Variants in EML6 observed in about 807,000 individuals in gnomAD.
The protein encoded by EML6 is EMAP like 6, also known as echinoderm microtubule-associated protein-like 6.
EML6 carries 154 observed loss-of-function variants against 240.1 expected under a neutral mutation model. That is an observed-to-expected ratio of 0.64 (90% CI 0.56 to 0.73). The LOEUF is 0.73. EML6 is among the 30% of genes least tolerant of loss of function. The probability of loss-of-function intolerance (pLI) is 0.00; values close to 1 mark genes in which losing one functional copy is unlikely to be tolerated. For synonymous variants in EML6, 1,148 were observed against 899.0 expected (o/e 1.28, Z -4.95); for missense variants, 2,964 against 2,474.6 (o/e 1.20, Z -4.20).
intron 2 of EML6, among the ~76,000 whole-genome samples, chr2:54,754,335 T>C (rs1029625973): frequency 1.3e-5 from 2 of 152,032 alleles, no homozygotes; most frequent in Non-Finnish European, 2.9e-5. Flanking sequence ...TTGAGACACA[T>C]TTTGGACACC....
chr2:54,947,653 T>C (rs1675756740), intron 28 of EML6, among the ~76,000 whole-genome samples: 1 of 152,212 alleles, frequency 6.6e-6, no homozygotes, highest in Non-Finnish European at 1.5e-5. Context: ...TCATTGTTTT[T>C]CTGACAGCAA....
intron 3 of EML6, among the ~76,000 whole-genome samples, chr2:54,814,298 T>C (rs561748373): frequency 1.3e-5 from 2 of 152,324 alleles, no homozygotes; most frequent in South Asian, 4.1e-4. Context: ...CTTTTGCCCA[T>C]TGAAGTGATT....
chr2:54,961,565 T>G (rs1038211389), intron 35 of EML6, among the ~76,000 whole-genome samples: 2 of 151,992 alleles, frequency 1.3e-5, no homozygotes, highest in Non-Finnish European at 2.9e-5. Context: ...ATTGGCTGCT[T>G]TGCTCTGCAG....
Position 54,959,243 on chromosome 2 carries a change from C to T in EML6, c.4835C>T (p.Thr1612Ile). The T allele has an allele frequency of 6.5e-7, 1 of 1,540,818 alleles. No individual in the cohort carries two copies. The highest frequency in any genetic ancestry group is 8.8e-7 in the Non-Finnish European group (1 of 1,141,792). Residue 1612 changes from threonine (T) to isoleucine (I), a missense_variant, in exon 34 of 42, where the codon ACC (threonine) becomes ATC (isoleucine). Transcript: ENST00000356458. The stretch of plus-strand genomic sequence containing the variant: ...ACCCTTCGGGATGGACTCATAGTGA[C>T]CGGCGGAAAAGAGAGGCCGTAAGCC... ...YTTLRDGLIVTGGKERPTKEG... is the reference protein window; with the variant it reads ...YTTLRDGLIVIGGKERPTKEG...
In EML6 at chr2:54,827,680, G is replaced by A. The variant is rs1299836208; in HGVS notation, c.640G>A (p.Gly214Ser). 48 of 1,551,548 alleles carry A rather than the reference G, an allele frequency of 3.1e-5. No individual in the cohort carries two copies. Among genetic ancestry groups the A allele is most frequent in the Non-Finnish European group, 4.0e-5 (46 of 1,146,902 alleles). ...TGCCAAAGAAGACATCACCTACTCT[G>A]GTGCTTTAAATGGTGACATCTATGT... ...ACAKEDITYSGALNGDIYVWK... is the reference protein window; with the variant it reads ...ACAKEDITYSSALNGDIYVWK... Residue 214 changes from glycine (G) to serine (S), a missense_variant, in exon 6 of 42, where the codon GGT becomes AGT. By Grantham distance (56) the Gly-to-Ser change is moderately conservative. Coordinates refer to ENST00000356458, the MANE Select transcript of EML6 (RefSeq NM_001039753.4).
intron 14 of EML6, chr2:54,868,276 A>G (rs1671075961): frequency 6.6e-6 from 1 of 152,174 alleles, no homozygotes. Context: ...AGTTATTAGT[A>G]AAGTCGACTA....
chr2:54,918,269 A>AT (rs1242242222), intron 26 of EML6, among the ~76,000 whole-genome samples: 4 of 152,220 alleles, frequency 2.6e-5, no homozygotes, highest in Admixed American at 1.3e-4. Context: ...ATAGAAAAAA[A>AT]GACAGACTGG....
At chr2:54,762,860 C>A (rs949299679) in intron 2 of EML6, among the ~76,000 whole-genome samples, 10 of 152,158 alleles carry the variant, frequency 6.6e-5, no homozygotes, top group Non-Finnish European at 1.5e-4. Flanking sequence ...GAACTGTGAT[C>A]TGTGATCATT....
At chr2:54,856,451 C>A (rs1670384436) in intron 11 of EML6, among the ~76,000 whole-genome samples, 1 of 152,214 alleles carries the variant, frequency 6.6e-6, no homozygotes, top group South Asian at 2.1e-4. Flanking sequence ...GTCCTGATAG[C>A]AAATGGACTT....
intron 2 of EML6, among the ~76,000 whole-genome samples, chr2:54,786,833 C>T (rs1383778775): frequency 6.6e-6 from 1 of 152,190 alleles, no homozygotes; most frequent in Non-Finnish European, 1.5e-5. Context: ...CACACAGGTT[C>T]CCCAAATATA....
chr2:54,928,779 T>C (rs1478696309), intron 28 of EML6, 28 bp downstream of exon 28: 19 of 1,551,316 alleles, frequency 1.2e-5, no homozygotes, highest in Non-Finnish European at 1.7e-5. Context: ...TTGCTTGCTT[T>C]TATTATACCT....
chr2:54,892,628 C>A lies in EML6; in HGVS notation c.2714C>A (p.Pro905His). The A allele has an allele frequency of 1.3e-6, 2 of 1,551,596 alleles. No individual in the cohort carries two copies. The highest frequency in any genetic ancestry group is 1.7e-6 in the Non-Finnish European group (2 of 1,146,800). The change falls in exon 19 of 42, where the codon CCT becomes CAT. Residue 905 changes from proline to histidine, a missense_variant. Coordinates refer to ENST00000356458, the MANE Select transcript of EML6 (RefSeq NM_001039753.4). ...AAGACAGTGAAAGCTCATGATGGGCCTGTGTTTGCTATGTATGCACTGGAT... is the reference window on the plus strand; with the variant it reads ...AAGACAGTGAAAGCTCATGATGGGCATGTGTTTGCTATGTATGCACTGGAT... The part of the protein sequence containing the change: ...LLKTVKAHDG[P>H]VFAMYALDKG...
At chr2:54,804,724 C>A (rs936107991) in intron 2 of EML6, among the ~76,000 whole-genome samples, 1 of 152,228 alleles carries the variant, frequency 6.6e-6, no homozygotes, top group African/African-American at 2.4e-5. Context: ...TGCCCCTGCT[C>A]TAGTCTTTCC....
intron 19 of EML6, 118 bp downstream of exon 19, chr2:54,892,774 A>G (rs1392418423): frequency 2.8e-6 from 2 of 712,136 alleles, no homozygotes; most frequent in Non-Finnish European, 4.5e-6. Context: ...ATTAGGAAGT[A>G]GTTGTCATAA....
chr2:54,874,689 A>T (rs1472694443), intron 16 of EML6, among the ~76,000 whole-genome samples: 1 of 152,214 alleles, frequency 6.6e-6, no homozygotes, highest in Non-Finnish European at 1.5e-5. Context: ...TTACATACAG[A>T]TGAATTGTAG....
At chr2:54,913,876 G>A (rs1351355776) in intron 25 of EML6, among the ~76,000 whole-genome samples, 1 of 152,088 alleles carries the variant, frequency 6.6e-6, no homozygotes, top group African/African-American at 2.4e-5. Context: ...TTCTGCATAC[G>A]GCTAGCCAGT....
At position 54,806,612 on chromosome 2, in the gene EML6, C is replaced by CAAAAAAAAAAAAAAAAA. The variant is rs58185994; in HGVS notation, c.198-6604_198-6588dup. ...TGGGCAACAAGAGTGACTCCGTCTC[C>CAAAAAAAAAAAAAAAAA]AAAAAAAAAAAAAAAAAAAAAAAAA... On this transcript the variant is annotated intron_variant, in intron 2 of 41. Coordinates refer to ENST00000356458, the MANE Select transcript of EML6 (RefSeq NM_001039753.4). Among the ~76,000 whole-genome samples the CAAAAAAAAAAAAAAAAA allele has an allele frequency of 9.3e-4, 49 of 52,862 alleles. 2 individuals are homozygous for CAAAAAAAAAAAAAAAAA. The highest frequency in any genetic ancestry group is 2.7e-3 in the East Asian group (5 of 1,882). 34.7% of individuals were successfully genotyped at this position (52,862 alleles called of 152,430 possible).
At chr2:54,885,366 G>A (rs1473874761) in intron 17 of EML6, among the ~76,000 whole-genome samples, 1 of 152,012 alleles carries the variant, frequency 6.6e-6, no homozygotes, top group African/African-American at 2.4e-5. Flanking sequence ...AGAATCACTT[G>A]AACCCGGGAG....
In EML6 at chr2:54,924,028, A is replaced by G. The variant is rs555888227; in HGVS notation, c.3676-4285A>G. Reference sequence around the variant, plus strand: ...TAACAGGTTGTTCATCCATATTCCTATGATGAACATACTTTTCCAGTTTTT... The same window carrying G: ...TAACAGGTTGTTCATCCATATTCCTGTGATGAACATACTTTTCCAGTTTTT... On this transcript the variant is annotated intron_variant, in intron 26 of 41. Coordinates refer to ENST00000356458, the MANE Select transcript of EML6 (RefSeq NM_001039753.4). Among the ~76,000 whole-genome samples, 122 of 152,340 alleles carry G rather than the reference A, an allele frequency of 8.0e-4. 2 individuals are homozygous for G. Among genetic ancestry groups the G allele is most frequent in the African/African-American group, 2.9e-3 (120 of 41,586 alleles).
Sources: allele counts gnomAD v4.1 joint callset (sites outside exome capture counted in the v4.1 genomes callset), GRCh38; gene constraint gnomAD v4.1.1; transcripts MANE v1.5; gene names NCBI Gene and HGNC (gene_info 2026-07-23, HGNC 2026-07-21).